The following TENM3 variants were observed in gnomAD, a reference collection of about 807,000 sequenced individuals.
TENM3 encodes the protein teneurin-3.
Under a neutral mutation model 255.1 loss-of-function variants are expected in TENM3, and 63 were observed. That is an observed-to-expected ratio of 0.25 (90% CI 0.20 to 0.30). The LOEUF (loss-of-function observed/expected upper bound fraction) is 0.30. Among genes scored for constraint, TENM3 ranks in the 10% least tolerant of loss-of-function variants. The pLI is 1.00. For missense variants in TENM3, 2,929 were observed against 3,461.1 expected (o/e 0.85, Z 3.86); for synonymous variants, 1,306 against 1,322.3 (o/e 0.99, Z 0.27).
chr4:182,582,530 C>G (rs563918041), intron 3 of TENM3, among the ~76,000 whole-genome samples: 4 of 152,016 alleles, frequency 2.6e-5, no homozygotes, highest in African/African-American at 9.6e-5. Context: ...GTGTAGAATC[C>G]ATATAGTTAC....
the TENM3 span, among the ~76,000 whole-genome samples, chr4:181,817,494 A>T: frequency 6.6e-6 from 1 of 152,106 alleles, no homozygotes; most frequent in Non-Finnish European, 1.5e-5. Flanking sequence ...GTGCTTTTTA[A>T]CCCACACCTA....
the TENM3 span, among the ~76,000 whole-genome samples, chr4:181,939,831 T>C: frequency 6.6e-6 from 1 of 152,212 alleles, no homozygotes; most frequent in Non-Finnish European, 1.5e-5. Flanking sequence ...CTTGGTTTTA[T>C]TTTAGTCCTT....
chr4:182,695,316 C>T (rs1416900792), intron 12 of TENM3, among the ~76,000 whole-genome samples: 1 of 152,128 alleles, frequency 6.6e-6, no homozygotes, highest in Non-Finnish European at 1.5e-5. Flanking sequence ...CTGGCACCTC[C>T]TAAGATCCCA....
rs190066668 is a variant in TENM3, at chr4:182,344,477, A to G, written c.233-2174A>G. On this transcript the variant is annotated intron_variant, in intron 2 of 27. Coordinates refer to ENST00000511685, the MANE Select transcript of TENM3 (RefSeq NM_001080477.4). ...ATGATGTGTTGTGTTTTTAGTTGCA[A>G]AGTGAACTGTGTTTACATACCTGGG... Among the ~76,000 whole-genome samples the G allele has an allele frequency of 6.6e-4, 101 of 152,154 alleles. 4 individuals are homozygous for G. In the East Asian group the frequency reaches 0.016, roughly 24 times the overall value.
At chr4:182,563,765 A>G (rs1743474034) in intron 3 of TENM3, among the ~76,000 whole-genome samples, 1 of 152,208 alleles carries the variant, frequency 6.6e-6, no homozygotes, top group Non-Finnish European at 1.5e-5. Context: ...TTCAGTGAGT[A>G]AGGAATACAC....
intron 2 of TENM3, among the ~76,000 whole-genome samples, chr4:182,335,713 C>T (rs929588866): frequency 6.6e-6 from 1 of 151,762 alleles, no homozygotes; most frequent in African/African-American, 2.4e-5. Context: ...AATTTAAAAC[C>T]TTTTACATGT....
chr4:182,085,294 T>A, the TENM3 span, among the ~76,000 whole-genome samples: 6 of 152,120 alleles, frequency 3.9e-5, no homozygotes, highest in Admixed American at 2.0e-4. Context: ...TTTTTAAAAA[T>A]TTTTCTCAGT....
chr4:182,196,934 C>T (rs913159333), intron 1 of TENM3, among the ~76,000 whole-genome samples: 2 of 152,106 alleles, frequency 1.3e-5, no homozygotes, highest in South Asian at 2.1e-4. Flanking sequence ...GCATCATTTC[C>T]GGTCATCTTC....
At chr4:182,016,345 C>A in the TENM3 span, among the ~76,000 whole-genome samples, 1 of 152,230 alleles carries the variant, frequency 6.6e-6, no homozygotes, top group African/African-American at 2.4e-5. Context: ...TCTAAACTCT[C>A]TCACAGGAAC....
chr4:182,772,191 A>G (rs1271120747), intron 22 of TENM3, among the ~76,000 whole-genome samples: 1 of 151,604 alleles, frequency 6.6e-6, no homozygotes, highest in South Asian at 2.1e-4. Flanking sequence ...TGTTTCACGA[A>G]AAACCCCTAT....
intron 3 of TENM3, among the ~76,000 whole-genome samples, chr4:182,492,644 A>G (rs1735412949): frequency 6.6e-6 from 1 of 152,144 alleles, no homozygotes; most frequent in African/African-American, 2.4e-5. Context: ...GTATCACTGC[A>G]CATTTGTTCC....
At chr4:182,535,785 G>A (rs1259918162) in intron 3 of TENM3, among the ~76,000 whole-genome samples, 1 of 150,478 alleles carries the variant, frequency 6.6e-6, no homozygotes, top group Non-Finnish European at 1.5e-5. Context: ...CATTTAATCT[G>A]TAATGAATTA....
chr4:182,432,779 T>A (rs938684804), intron 3 of TENM3, among the ~76,000 whole-genome samples: 10 of 151,904 alleles, frequency 6.6e-5, no homozygotes, highest in African/African-American at 2.2e-4. Flanking sequence ...ACTAAGGAGC[T>A]TGGATGTTAT....
At chr4:181,704,899 C>A in the TENM3 span, among the ~76,000 whole-genome samples, 80 of 151,856 alleles carry the variant, frequency 5.3e-4, no homozygotes, top group Non-Finnish European at 9.0e-4. Context: ...CTTGGTGATA[C>A]GTGCCTGTAA....
chr4:182,464,330 C>T (rs543907254), intron 3 of TENM3, among the ~76,000 whole-genome samples: 3 of 152,272 alleles, frequency 2.0e-5, no homozygotes, highest in African/African-American at 4.8e-5. Context: ...AATCTTGGCT[C>T]ACTGCAACCT....
chr4:181,807,256 G>A, the TENM3 span, among the ~76,000 whole-genome samples: 1,363 of 152,236 alleles, frequency 9.0e-3, 13 homozygotes, highest in African/African-American at 0.03. Flanking sequence ...GAACAATAGC[G>A]TATCTTCCAT....
In TENM3 at chr4:182,714,214, T is replaced by C; in HGVS notation, c.2349T>C (p.Asp783=). ...TAGCCATGGAGACTCTTTGCACAGATAGCAAGGACAATGAAGGAGGTAAGA... is the reference window on the plus strand; with the variant it reads ...TAGCCATGGAGACTCTTTGCACAGACAGCAAGGACAATGAAGGAGGTAAGA... The part of the protein sequence containing the change: ...CDVAMETLCT[D]SKDNEGDGLI... The change falls in exon 13 of 28, where the codon GAT becomes GAC. Residue 783 remains aspartate, a synonymous_variant. Coordinates refer to ENST00000511685, the MANE Select transcript of TENM3 (RefSeq NM_001080477.4). 1.9e-6 allele frequency: 3 copies of C among 1,606,034 alleles called. No homozygotes were observed. Among genetic ancestry groups the C allele is most frequent in the Non-Finnish European group, 2.5e-6 (3 of 1,179,028 alleles).
chr4:182,689,052 T>G (rs561237376), intron 12 of TENM3, among the ~76,000 whole-genome samples: 40 of 152,322 alleles, frequency 2.6e-4, no homozygotes, highest in African/African-American at 9.4e-4. Context: ...TATCATGTTT[T>G]CAAGATACTT....
the TENM3 span, among the ~76,000 whole-genome samples, chr4:181,525,723 T>A: frequency 6.6e-6 from 1 of 152,210 alleles, no homozygotes; most frequent in South Asian, 2.1e-4. Context: ...ACCAGCTTAT[T>A]GAATACAAAT....
Sources: allele counts gnomAD v4.1 joint callset (sites outside exome capture counted in the v4.1 genomes callset), GRCh38; gene constraint gnomAD v4.1.1; transcripts MANE v1.5; gene names NCBI Gene and HGNC (gene_info 2026-07-23, HGNC 2026-07-21).